The following CEP72 variants were observed in gnomAD, a reference collection of about 807,000 sequenced individuals.
CEP72 encodes the protein centrosomal protein 72, also known as centrosomal protein of 72 kDa.
Under a neutral mutation model 65.7 loss-of-function variants are expected in CEP72, and 78 were observed. The observed-to-expected ratio is 1.19, with a 90% CI of 0.99 to 1.43. The LOEUF is 1.43. Ranked by LOEUF, CEP72 falls within the 40% of genes most tolerant of loss-of-function variation. The probability of loss-of-function intolerance (pLI) is 0.00; values close to 1 mark genes in which losing one functional copy is unlikely to be tolerated. For missense variants in CEP72, 914 were observed against 832.9 expected (o/e 1.10, Z -1.20); for synonymous variants, 358 against 351.7 (o/e 1.02, Z -0.20).
chr5:643,637 G>C, intron 9 of CEP72: 1 of 985,406 alleles, frequency 1.0e-6, no homozygotes, highest in Non-Finnish European at 1.2e-6. Context: ...GCCCCAGGAT[G>C]TGCCTGCTGG....
chr5:635,954 A>G (rs998973283), intron 6 of CEP72, among the ~76,000 whole-genome samples: 3 of 151,554 alleles, frequency 2.0e-5, no homozygotes, highest in African/African-American at 4.9e-5. Flanking sequence ...CCTGTTCCAG[A>G]CTCATCCTTT....
At chr5:654,907 A>C (rs1206402205), downstream of CEP72, among the ~76,000 whole-genome samples, 1 of 152,204 alleles carries the variant, frequency 6.6e-6, no homozygotes, top group Non-Finnish European at 1.5e-5. Context: ...TCAGGTCACT[A>C]AACGTGATGC....
chr5:651,452 C>CAT (rs1739086902), intron 11 of CEP72, among the ~76,000 whole-genome samples: 1 of 151,938 alleles, frequency 6.6e-6, no homozygotes, highest in African/African-American at 2.4e-5. Context: ...GAGAGAGGTG[C>CAT]ATGAGAGATG....
chr5:674,954 G>A, the CEP72 span, among the ~76,000 whole-genome samples: 1 of 150,552 alleles, frequency 6.6e-6, no homozygotes, highest in Non-Finnish European at 1.5e-5. Context: ...TGAGGGAGGT[G>A]CAGCCCTGAG....
At position 644,395 on chromosome 5, in the gene CEP72, A is replaced by G. The variant is rs746583115; in HGVS notation, c.1636A>G (p.Thr546Ala). 4 of 1,613,830 alleles carry G rather than the reference A, an allele frequency of 2.5e-6. No individual in the cohort carries two copies. In the African/African-American group the frequency reaches 4.0e-5, roughly 16 times the overall value. ...SMKKEVKSAD[T>A]AATLNLQIAG... ...GAAAAAGGAAGTGAAGAGTGCAGAC[A>G]CTGCAGCCACGTTAAATTTGCAGAT... Residue 546 changes from threonine to alanine, a missense_variant, in exon 10 of 12, where the codon ACT (threonine) becomes GCT (alanine). Physicochemically the swap from Thr to Ala is moderately conservative, Grantham distance 58. Coordinates refer to ENST00000264935, the MANE Select transcript of CEP72 (RefSeq NM_018140.4).
chr5:620,233 G>A lies in CEP72; in HGVS notation c.375G>A (p.Val125=). ...AGCCTGACTACCGCCTTTTTGTTGT[G>A]CACCTGCTCCCCAAGCTCCAGCAGC... ...KVEPDYRLFV[V]HLLPKLQQLD... is the part of the protein sequence containing the mutation. The change falls in exon 3 of 12, where the codon GTG becomes GTA. Residue 125 remains valine, a synonymous_variant. Coordinates refer to ENST00000264935, the MANE Select transcript of CEP72 (RefSeq NM_018140.4). 6.2e-7 allele frequency: 1 copy of A among 1,613,922 alleles called. No individual in the cohort carries two copies. Among genetic ancestry groups the A allele is most frequent in the Non-Finnish European group, 8.5e-7 (1 of 1,179,804 alleles).
At chr5:615,784 T>G (rs923108867) in intron 1 of CEP72, among the ~76,000 whole-genome samples, 8 of 152,230 alleles carry the variant, frequency 5.3e-5, no homozygotes, top group African/African-American at 1.9e-4. Context: ...CGAATATTTT[T>G]AGTATCTCAT....
the CEP72 span, among the ~76,000 whole-genome samples, chr5:672,788 C>T: frequency 6.6e-6 from 1 of 152,252 alleles, no homozygotes. Flanking sequence ...TTAAAGCTGC[C>T]ACCGCACGCT....
downstream of CEP72, among the ~76,000 whole-genome samples, chr5:669,178 GC>G (rs1188502208): frequency 6.6e-6 from 1 of 152,204 alleles, no homozygotes; most frequent in Non-Finnish European, 1.5e-5. Context: ...GAGCCCCAGG[GC>G]GGGGCCTGGA....
At chr5:663,569 T>C (rs1282624830) in exon 2 of CEP72, 1 of 152,430 alleles carries the variant, frequency 6.6e-6, no homozygotes, top group African/African-American at 2.4e-5. Context: ...TCTGCTCTGC[T>C]CAGGTAGGGG....
rs146018509 is a variant in CEP72 at position 653,094 on chromosome 5, A to G, written c.1885A>G (p.Lys629Glu). ...GCACTGGAGCTACCAGGAGCTCAAG[A>G]AGACCATGGCCCTGTTTCCACACAG... ...QMHWSYQELKKTMALFPHSSA... is the reference protein window; with the variant it reads ...QMHWSYQELKETMALFPHSSA... Residue 629 changes from lysine (K) to glutamate (E), a missense_variant, in exon 12 of 12, where the codon AAG (lysine) becomes GAG (glutamate). Physicochemically the swap from Lys to Glu is moderately conservative, Grantham distance 56. Coordinates refer to ENST00000264935, the MANE Select transcript of CEP72 (RefSeq NM_018140.4). The G allele has an allele frequency of 1.2e-4, 192 of 1,613,672 alleles. No individual in the cohort carries two copies. The African/African-American group carries it at 2.2e-3, about 18-fold the overall frequency.
At chr5:659,458 T>TAATA (rs2126846425), downstream of CEP72, among the ~76,000 whole-genome samples, 1 of 152,392 alleles carries the variant, frequency 6.6e-6, no homozygotes, top group African/African-American at 2.4e-5. Context: ...CAAAAATGCC[T>TAATA]TTATTGTATC....
intron 9 of CEP72, chr5:641,256 A>G: frequency 2.0e-6 from 2 of 985,348 alleles, no homozygotes; most frequent in Non-Finnish European, 2.4e-6. Flanking sequence ...GGGCCTCCCC[A>G]CGGGCTGCTG....
chr5:627,694 A>G (rs1287448874), intron 4 of CEP72, among the ~76,000 whole-genome samples: 1 of 152,170 alleles, frequency 6.6e-6, no homozygotes, highest in African/African-American at 2.4e-5. Flanking sequence ...ATTCTGATTT[A>G]CAAGATTGTT....
chr5:644,214 G>A, intron 9 of CEP72, 85 bp from the exon 10 acceptor site: 1 of 1,463,950 alleles, frequency 6.8e-7, no homozygotes, highest in Non-Finnish European at 9.4e-7. Context: ...GAACCCTCTG[G>A]GGATTCTCAG....
chr5:653,952 A>G (rs1483358445), downstream of CEP72, among the ~76,000 whole-genome samples: 2 of 151,664 alleles, frequency 1.3e-5, no homozygotes, highest in East Asian at 1.9e-4. Flanking sequence ...GCTCTGTGCT[A>G]GCTCTGTGTG....
intron 9 of CEP72, chr5:642,877 A>G: frequency 1.0e-6 from 1 of 984,998 alleles, no homozygotes; most frequent in Non-Finnish European, 1.2e-6. Flanking sequence ...GAGGACGCTC[A>G]TCCCTCGGTC....
chr5:651,366 C>T (rs1198312721), intron 11 of CEP72, among the ~76,000 whole-genome samples: 1 of 148,468 alleles, frequency 6.7e-6, no homozygotes, highest in Non-Finnish European at 1.5e-5. Context: ...GAGGCATGGA[C>T]TGTGAGTTGT....
chr5:637,396 G>A (rs1387052146), intron 6 of CEP72, 121 bp from the exon 7 acceptor site: 11 of 797,734 alleles, frequency 1.4e-5, no homozygotes. Context: ...ATATGTAAGT[G>A]TGCGTGTGTG....
Sources: allele counts gnomAD v4.1 joint callset (sites outside exome capture counted in the v4.1 genomes callset), GRCh38; gene constraint gnomAD v4.1.1; transcripts MANE v1.5; gene names NCBI Gene and HGNC (gene_info 2026-07-23, HGNC 2026-07-21).